EHD2: variants seen among roughly 807,000 people sequenced by gnomAD.
The protein encoded by EHD2 is EH domain containing 2.
A neutral mutation model predicts 41.0 loss-of-function variants in EHD2; 27 were observed. The ratio of observed to expected loss-of-function variants is 0.66; its 90% CI spans 0.49 to 0.91. The LOEUF (loss-of-function observed/expected upper bound fraction) is 0.91, where lower values mean the gene tolerates loss of function less well. Among genes scored for constraint, EHD2 ranks in the 40% least tolerant of loss-of-function variants. The pLI is 0.00. For synonymous variants in EHD2, 342 were observed against 341.0 expected, an observed-to-expected ratio of 1.00 and a Z score of -0.03; for missense variants, 673 against 773.9, an observed-to-expected ratio of 0.87 and a Z score of 1.55.
intron 3 of EHD2, among the ~76,000 whole-genome samples, chr19:47,718,976 G>T (rs1973666679): frequency 6.6e-6 from 1 of 152,052 alleles, no homozygotes; most frequent in Non-Finnish European, 1.5e-5. Context: ...CCTGGGGTCT[G>T]GACTCCTGGG....
At chr19:47,721,173 GT>G (rs1568588814) in intron 3 of EHD2, among the ~76,000 whole-genome samples, 12 of 120,728 alleles carry the variant, frequency 9.9e-5, no homozygotes, top group African/African-American at 3.4e-4. Flanking sequence ...GGGTGTGTGT[GT>G]GTGTGTGTGT....
chr19:47,739,906 G>A (rs974105537), intron 5 of EHD2, among the ~76,000 whole-genome samples: 6 of 152,098 alleles, frequency 3.9e-5, no homozygotes, highest in African/African-American at 1.2e-4. Flanking sequence ...GCAAAGGGCC[G>A]CTGCTCTCAC....
intron 5 of EHD2, among the ~76,000 whole-genome samples, chr19:47,738,384 C>T (rs1404062002): frequency 6.6e-6 from 1 of 151,962 alleles, no homozygotes; most frequent in African/African-American, 2.4e-5. Context: ...CTCACTACAA[C>T]CTCTGCCTCC....
intron 3 of EHD2, 96 bp downstream of exon 3, chr19:47,718,702 C>G (rs1193141543): frequency 3.7e-6 from 4 of 1,072,982 alleles, no homozygotes; most frequent in Non-Finnish European, 5.2e-6. Flanking sequence ...ACTCCTGGGT[C>G]TGAGGGAGGA....
intron 5 of EHD2, among the ~76,000 whole-genome samples, chr19:47,740,468 G>T (rs1966973909): frequency 6.6e-6 from 1 of 151,952 alleles, no homozygotes; most frequent in Non-Finnish European, 1.5e-5. Flanking sequence ...AAACAAAAAT[G>T]GCTGGGCGCG....
rs1224242213 is a variant in EHD2, at chr19:47,713,438, G to C, written c.-156G>C. On this transcript the variant is annotated 5_prime_UTR_variant, in exon 1 of 6. Coordinates refer to ENST00000263277, the MANE Select transcript of EHD2 (RefSeq NM_014601.4). ...ACCCGGCTCAGACGGCTCCGGACGG[G>C]ACCGCGAGCACAGGCCGCTCCGCGG... 1 of 152,320 alleles carries C rather than the reference G, an allele frequency of 6.6e-6. No homozygotes were observed. The highest frequency in any genetic ancestry group is 2.4e-5 in the African/African-American group (1 of 41,438). 9.4% of individuals were successfully genotyped at this position (152,320 alleles called of 1,614,324 possible). A position where few individuals can be genotyped will look rare whatever the true frequency, so the allele number is the denominator to read the frequency against.
chr19:47,739,817 T>C (rs558055106), intron 5 of EHD2, among the ~76,000 whole-genome samples: 1 of 151,014 alleles, frequency 6.6e-6, no homozygotes, highest in East Asian at 2.0e-4. Context: ...TAGAGGGCGG[T>C]TAGGGTTCTA....
intron 3 of EHD2, among the ~76,000 whole-genome samples, chr19:47,725,481 A>T (rs1427359155): frequency 6.6e-6 from 1 of 150,778 alleles, no homozygotes; most frequent in Non-Finnish European, 1.5e-5. Context: ...AGGTGGGAGG[A>T]TCACCTGAGC....
At position 47,729,938 on chromosome 19, in the gene EHD2, T is replaced by A. The variant is rs545761932; in HGVS notation, c.915+3714T>A. ...TCCTTTTCTTTCTCGCTCTGCCTCC[T>A]CCTGTCTCTCCATCTCTCCCCCGCT... On this transcript the variant is annotated intron_variant, in intron 4 of 5. Coordinates refer to ENST00000263277, the MANE Select transcript of EHD2 (RefSeq NM_014601.4). Among the ~76,000 whole-genome samples the A allele has an allele frequency of 2.6e-5, 4 of 152,256 alleles. No homozygotes were observed. In the South Asian group the frequency reaches 8.3e-4, roughly 31 times the overall value.
At position 47,739,274 on chromosome 19, in the gene EHD2, ATTTTT is replaced by A. The variant is rs57266469; in HGVS notation, c.1081-1584_1081-1580del. Among the ~76,000 whole-genome samples, 465 of 116,040 alleles carry A rather than the reference ATTTTT, an allele frequency of 4.0e-3. 4 individuals are homozygous for A. Among genetic ancestry groups the A allele is most frequent in the South Asian group, 9.4e-3 (31 of 3,308 alleles). The allele number at this position is 116,040 out of a possible 152,430, so 76.1% of individuals were successfully genotyped here. ...CACCACCACACCTGGCTAATTTTTA[ATTTTT>A]TTTTTTTTTTTTTTTTTTTTTTAAG... On this transcript the variant is annotated intron_variant, in intron 5 of 5. Coordinates refer to ENST00000263277, the MANE Select transcript of EHD2 (RefSeq NM_014601.4).
rs572631056 is a variant in EHD2 at position 47,729,116 on chromosome 19, G to T, written c.915+2892G>T. Among the ~76,000 whole-genome samples, 35 of 152,274 alleles carry T rather than the reference G, an allele frequency of 2.3e-4. 1 individual carries two copies. The South Asian group carries it at 7.2e-3, about 32-fold the overall frequency. On this transcript the variant is annotated intron_variant, in intron 4 of 5. Transcript: ENST00000263277. ...CAGTTCCAGGGCTCAGTCCTCACTG[G>T]GGCTCCTGGAGAGGAGACAGATCCA... is the stretch of plus-strand genomic sequence containing the variant.
rs780481751 is a variant in EHD2 at position 47,716,980 on chromosome 19, G to A, written c.368G>A (p.Arg123His). 11 of 1,603,082 alleles carry A rather than the reference G, an allele frequency of 6.9e-6. No homozygotes were observed. In the South Asian group the frequency reaches 7.7e-5, roughly 11 times the overall value. The change falls in exon 2 of 6, where the codon CGC becomes CAC. Residue 123 changes from arginine (R) to histidine (H), a missense_variant. Coordinates refer to ENST00000263277, the MANE Select transcript of EHD2 (RefSeq NM_014601.4). ...GTCGTGGACCCGGACAAGCCCTTCCGCAAACTCAACCCTTTCGGAAACACC... is the reference window on the plus strand; with the variant it reads ...GTCGTGGACCCGGACAAGCCCTTCCACAAACTCAACCCTTTCGGAAACACC... ...ALVVDPDKPF[R>H]KLNPFGNTFL...
At position 47,734,053 on chromosome 19, in the gene EHD2, G is replaced by T. The variant is rs538643126; in HGVS notation, c.916-2316G>T. On this transcript the variant is annotated intron_variant, in intron 4 of 5. Transcript: ENST00000263277. ...CCCTCTTGGGCCACTGCTGCATGGA[G>T]CAAGGGTTATTGGGGCAGGATGGGG... Among the ~76,000 whole-genome samples the T allele has an allele frequency of 1.1e-4, 17 of 152,324 alleles. No homozygotes were observed. The East Asian group carries it at 2.9e-3, about 26-fold the overall frequency.
At chr19:47,718,750 G>A in intron 3 of EHD2, 144 bp downstream of exon 3, 1 of 687,172 alleles carries the variant, frequency 1.5e-6, no homozygotes, top group East Asian at 2.8e-5. Context: ...GAGGGAGGAG[G>A]GGCTGGGGTC....
At chr19:47,735,760 C>A (rs962178852) in intron 4 of EHD2, among the ~76,000 whole-genome samples, 5 of 151,626 alleles carry the variant, frequency 3.3e-5, no homozygotes, top group Non-Finnish European at 5.9e-5. Context: ...AAAAAATTAG[C>A]CGGGTGTGGT....
At chr19:47,713,846 C>A (rs1481489827) in intron 1 of EHD2, among the ~76,000 whole-genome samples, 1 of 151,928 alleles carries the variant, frequency 6.6e-6, no homozygotes, top group African/African-American at 2.4e-5. Flanking sequence ...GCAGGGTCTC[C>A]CTCCACGCCC....
chr19:47,722,278 C>A (rs1257735240), intron 3 of EHD2, among the ~76,000 whole-genome samples: 2 of 152,166 alleles, frequency 1.3e-5, no homozygotes, highest in East Asian at 1.9e-4. Flanking sequence ...CTTCTTCCCT[C>A]CCCGCCCCAT....
intron 1 of EHD2, among the ~76,000 whole-genome samples, chr19:47,715,084 G>A (rs57169892): frequency 1.4e-5 from 2 of 138,088 alleles, no homozygotes; most frequent in African/African-American, 5.3e-5. Flanking sequence ...TAAATAAAAA[G>A]AAAGAAAAGC....
chr19:47,737,876 CTTTTT>C (rs1226699986), intron 5 of EHD2, among the ~76,000 whole-genome samples: 1 of 100,052 alleles, frequency 1.0e-5, no homozygotes, highest in East Asian at 2.6e-4. Context: ...GCCTGGCTAG[CTTTTT>C]TTTTTTTTTT....
Sources: allele counts gnomAD v4.1 joint callset (sites outside exome capture counted in the v4.1 genomes callset), GRCh38; gene constraint gnomAD v4.1.1; transcripts MANE v1.5; gene names NCBI Gene and HGNC (gene_info 2026-07-23, HGNC 2026-07-21).